ACACB: variants seen among roughly 807,000 people sequenced by gnomAD.
ACACB encodes the protein acetyl-CoA carboxylase 2.
Under a neutral mutation model 278.8 loss-of-function variants are expected in ACACB, and 209 were observed. That is an observed-to-expected ratio of 0.75 (90% CI 0.67 to 0.84). ACACB has a LOEUF of 0.84. ACACB is among the 40% of genes least tolerant of loss of function. The pLI is 0.00. For synonymous variants in ACACB, 1,174 were observed against 1,285.6 expected, an observed-to-expected ratio of 0.91 and a Z score of 1.86; for missense variants, 2,850 against 3,269.0, an observed-to-expected ratio of 0.87 and a Z score of 3.13.
chr12:109,125,540 CTTT>C (rs1422812780), intron 1 of ACACB: 2 of 152,228 alleles, frequency 1.3e-5, no homozygotes, highest in Non-Finnish European at 1.5e-5. Context: ...GGTCAAGAGA[CTTT>C]CGCAGTGGCC....
In ACACB at chr12:109,259,088, G is replaced by C; in HGVS notation, c.6476G>C (p.Gly2159Ala). 1 of 1,614,108 alleles carries C rather than the reference G, an allele frequency of 6.2e-7. No homozygotes were observed. Among genetic ancestry groups the C allele is most frequent in the Non-Finnish European group, 8.5e-7 (1 of 1,180,022 alleles). ...LPLMIFANWR[G>A]FSGGMKDMYD... ...CTGATGATCTTTGCCAACTGGAGGG[G>C]GTTCTCCGGTGGCATGAAAGGTAAG... The change falls in exon 47 of 53, where the codon GGG becomes GCG. Residue 2159 changes from glycine to alanine, a missense_variant. By Grantham distance (60) the Gly-to-Ala change is moderately conservative. Transcript: ENST00000338432.
intron 4 of ACACB, 117 bp downstream of exon 4, chr12:109,168,151 G>A (rs2043984260): frequency 2.6e-6 from 3 of 1,138,472 alleles, no homozygotes; most frequent in Non-Finnish European, 3.7e-6. Context: ...CCTCTCATGA[G>A]TCTGTATTTA....
intron 2 of ACACB, among the ~76,000 whole-genome samples, chr12:109,142,240 C>T (rs11065662): frequency 0.084 from 12,729 of 152,092 alleles, 1,296 homozygotes; most frequent in African/African-American, 0.24. Flanking sequence ...CAGAGCAAGA[C>T]TCTGTCTCAA....
chr12:109,266,218 C>T lies in ACACB; in HGVS notation c.7251-18C>T. 1 of 1,610,338 alleles carries T rather than the reference C, an allele frequency of 6.2e-7. No homozygotes were observed. The highest frequency in any genetic ancestry group is 8.5e-7 in the Non-Finnish European group (1 of 1,178,272). Reference sequence around the variant, plus strand: ...AGTGGCTGGAGTGATCCCAGCCCTCCTCTCACCTCCCCCACAGCCTGGTTG... The same window carrying T: ...AGTGGCTGGAGTGATCCCAGCCCTCTTCTCACCTCCCCCACAGCCTGGTTG... On this transcript the variant is annotated intron_variant, in intron 52 of 52. Coordinates refer to ENST00000338432, the MANE Select transcript of ACACB (RefSeq NM_001093.4).
In ACACB at chr12:109,157,933, C is replaced by G. The variant is rs1045116967; in HGVS notation, c.654-8928C>G. ...CATTTCACTGCCATGCAATTCTGCT[C>G]TGAAAGGCCAGCTGCCTGCATGCAA... is the stretch of plus-strand genomic sequence containing the variant. On this transcript the variant is annotated intron_variant, in intron 2 of 52. Coordinates refer to ENST00000338432, the MANE Select transcript of ACACB (RefSeq NM_001093.4). Among the ~76,000 whole-genome samples the G allele has an allele frequency of 4.6e-5, 7 of 152,318 alleles. No individual in the cohort carries two copies. The South Asian group carries it at 8.3e-4, about 18-fold the overall frequency.
chr12:109,228,335 CAA>C (rs565975318), intron 28 of ACACB, among the ~76,000 whole-genome samples: 3 of 126,000 alleles, frequency 2.4e-5, no homozygotes, highest in African/African-American at 5.9e-5. Flanking sequence ...GAGTCCATCT[CAA>C]AAAAAAAAAA....
At chr12:109,129,313 T>G (rs2042762263) in intron 1 of ACACB, among the ~76,000 whole-genome samples, 1 of 151,854 alleles carries the variant, frequency 6.6e-6, no homozygotes, top group African/African-American at 2.4e-5. Context: ...GCTTAGAGAG[T>G]GACTGAGCCT....
chr12:109,191,469 C>A (rs1408806652), intron 13 of ACACB, 144 bp from the exon 14 acceptor site: 2 of 970,520 alleles, frequency 2.1e-6, no homozygotes, highest in Non-Finnish European at 3.1e-6. Context: ...CTACCTCAGC[C>A]TCCCAAAGTG....
At position 109,139,531 on chromosome 12, in the gene ACACB, C is replaced by G. The variant is rs1393935663; in HGVS notation, c.126C>G (p.Ile42Met). The change falls in exon 2 of 53, where the codon ATC becomes ATG. Residue 42 changes from isoleucine to methionine, a missense_variant. Physicochemically the swap from Ile to Met is conservative, Grantham distance 10. Coordinates refer to ENST00000338432, the MANE Select transcript of ACACB (RefSeq NM_001093.4). ...ITKSKSEANL[I>M]PSQEPFPASD... is the part of the protein sequence containing the mutation. Reference sequence around the variant, plus strand: ...AGAGTAAATCAGAAGCAAACCTCATCCCGAGCCAGGAGCCCTTTCCAGCCT... The same window carrying G: ...AGAGTAAATCAGAAGCAAACCTCATGCCGAGCCAGGAGCCCTTTCCAGCCT... 6.2e-7 allele frequency: 1 copy of G among 1,614,164 alleles called. No homozygotes were observed. Among genetic ancestry groups the G allele is most frequent in the Admixed American group, 1.7e-5 (1 of 60,002 alleles).
At chr12:109,118,059 A>G (rs2042451767) in intron 1 of ACACB, among the ~76,000 whole-genome samples, 1 of 152,052 alleles carries the variant, frequency 6.6e-6, no homozygotes, top group African/African-American at 2.4e-5. Context: ...CAAAGATATC[A>G]TTTTATAAAT....
intron 11 of ACACB, among the ~76,000 whole-genome samples, chr12:109,181,443 G>A (rs2044467871): frequency 1.3e-5 from 2 of 151,914 alleles, no homozygotes; most frequent in Admixed American, 1.3e-4. Context: ...GGCCAGGCTG[G>A]TCTCAAACTC....
intron 29 of ACACB, 110 bp downstream of exon 29, chr12:109,232,916 G>C: frequency 1.5e-6 from 2 of 1,309,190 alleles, no homozygotes; most frequent in Admixed American, 2.1e-5. Flanking sequence ...ACCCAGACAC[G>C]TGGCACAGCA....
intron 37 of ACACB, among the ~76,000 whole-genome samples, chr12:109,243,870 A>G (rs542740584): frequency 7.1e-6 from 1 of 141,066 alleles, no homozygotes; most frequent in South Asian, 2.3e-4. Context: ...ATTGCTTTGG[A>G]ATGACATTAT....
At chr12:109,240,183 G>A (rs986723761) in intron 35 of ACACB, among the ~76,000 whole-genome samples, 198 bp downstream of exon 35, 4 of 152,184 alleles carry the variant, frequency 2.6e-5, no homozygotes, top group African/African-American at 9.7e-5. Flanking sequence ...TGCCCTGCAC[G>A]GGAATGCTTT....
At chr12:109,234,774 G>T (rs1435865531) in intron 31 of ACACB, among the ~76,000 whole-genome samples, 1 of 145,814 alleles carries the variant, frequency 6.9e-6, no homozygotes, top group African/African-American at 2.5e-5. Flanking sequence ...CAGAGGGAGG[G>T]TAACAACGCA....
chr12:109,167,589 ACT>A (rs1188432243), intron 3 of ACACB, among the ~76,000 whole-genome samples: 3 of 139,404 alleles, frequency 2.2e-5, no homozygotes, highest in Non-Finnish European at 4.6e-5. Flanking sequence ...ACAGAGCAAG[ACT>A]CTGTCTCAAA....
chr12:109,259,548 G>A (rs553645980), intron 47 of ACACB, among the ~76,000 whole-genome samples: 21 of 150,486 alleles, frequency 1.4e-4, no homozygotes, highest in African/African-American at 4.6e-4. Flanking sequence ...GGGCAACGGA[G>A]TGAGACCCCC....
intron 28 of ACACB, among the ~76,000 whole-genome samples, chr12:109,228,953 C>G (rs1161775767): frequency 6.6e-6 from 1 of 151,972 alleles, no homozygotes; most frequent in Non-Finnish European, 1.5e-5. Context: ...TGCTCCCACA[C>G]TCTTTTATTT....
chr12:109,172,472 C>A, intron 6 of ACACB, 116 bp downstream of exon 6: 1 of 917,958 alleles, frequency 1.1e-6, no homozygotes, highest in Non-Finnish European at 1.7e-6. Flanking sequence ...GATTTCCCAC[C>A]TCACACTTCT....
Sources: allele counts gnomAD v4.1 joint callset (sites outside exome capture counted in the v4.1 genomes callset), GRCh38; gene constraint gnomAD v4.1.1; transcripts MANE v1.5; gene names NCBI Gene and HGNC (gene_info 2026-07-23, HGNC 2026-07-21).